The following EXOC4 variants were observed in gnomAD, a reference collection of about 807,000 sequenced individuals.
The protein encoded by EXOC4 is SEC8-like 1.
In EXOC4, 71 loss-of-function variants were observed where a neutral mutation model predicts 107.2. The observed-to-expected ratio is 0.66, with a 90% CI of 0.55 to 0.81. The LOEUF (loss-of-function observed/expected upper bound fraction) is 0.81. Ranked by LOEUF, EXOC4 falls within the 30% of genes least tolerant of loss-of-function variation. EXOC4 has a pLI of 0.00. For synonymous variants in EXOC4, 456 were observed against 441.2 expected, an observed-to-expected ratio of 1.03 and a Z score of -0.42; for missense variants, 1,108 against 1,189.6, an observed-to-expected ratio of 0.93 and a Z score of 1.01.
At chr7:133,799,564 A>G (rs1357065712) in intron 10 of EXOC4, among the ~76,000 whole-genome samples, 2 of 152,242 alleles carry the variant, frequency 1.3e-5, no homozygotes, top group Admixed American at 6.5e-5. Flanking sequence ...AAGGACAGAA[A>G]TAATTTTGGA....
intron 11 of EXOC4, among the ~76,000 whole-genome samples, chr7:133,852,637 G>T (rs1021151489): frequency 1.3e-5 from 2 of 152,046 alleles, no homozygotes; most frequent in African/African-American, 2.4e-5. Flanking sequence ...ACATTTCTTT[G>T]TCTAAATATT....
In EXOC4 at chr7:133,275,099, A is replaced by G. The variant is rs377045887; in HGVS notation, c.204A>G (p.Glu68=). 32 of 1,613,714 alleles carry G rather than the reference A, an allele frequency of 2.0e-5. No individual in the cohort carries two copies. Among genetic ancestry groups the G allele is most frequent in the Non-Finnish European group, 2.6e-5 (31 of 1,179,704 alleles). Reference sequence around the variant, plus strand: ...AATTGATTGTACAGCACTACACAGAATTGACGACAGCCATTCGCACATACC... The same window carrying G: ...AATTGATTGTACAGCACTACACAGAGTTGACGACAGCCATTCGCACATACC... ...LDELIVQHYT[E]LTTAIRTYQS... is the part of the protein sequence containing the mutation. Residue 68 remains glutamate, a synonymous_variant, in exon 2 of 18, where the codon GAA becomes GAG. Transcript: ENST00000253861.
At chr7:133,762,140 T>C (rs993366662) in intron 10 of EXOC4, among the ~76,000 whole-genome samples, 2 of 152,216 alleles carry the variant, frequency 1.3e-5, no homozygotes, top group African/African-American at 4.8e-5. Context: ...TATGTATTTT[T>C]TTCTTTTCAT....
intron 9 of EXOC4, among the ~76,000 whole-genome samples, chr7:133,497,202 C>A (rs1799494061): frequency 6.6e-6 from 1 of 152,132 alleles, no homozygotes; most frequent in South Asian, 2.1e-4. Flanking sequence ...TAGTAAAACC[C>A]TAAACATAGG....
At chr7:133,665,248 C>A (rs1447015182) in intron 10 of EXOC4, among the ~76,000 whole-genome samples, 1 of 152,082 alleles carries the variant, frequency 6.6e-6, no homozygotes, top group African/African-American at 2.4e-5. Context: ...ATTCCCCTTC[C>A]CATTTGACTT....
At chr7:133,667,366 T>G (rs1369679317) in intron 10 of EXOC4, among the ~76,000 whole-genome samples, 1 of 152,200 alleles carries the variant, frequency 6.6e-6, no homozygotes, top group African/African-American at 2.4e-5. Context: ...GAAACTGAAA[T>G]GAAGCTTCCC....
chr7:134,058,282 A>G (rs904396832), intron 17 of EXOC4, among the ~76,000 whole-genome samples: 10 of 152,242 alleles, frequency 6.6e-5, no homozygotes, highest in Non-Finnish European at 1.3e-4. Flanking sequence ...AGTCAGATTC[A>G]GCACAGAATT....
intron 10 of EXOC4, among the ~76,000 whole-genome samples, chr7:133,737,764 C>G (rs1036551731): frequency 7.2e-5 from 11 of 152,064 alleles, no homozygotes; most frequent in Non-Finnish European, 1.0e-4. Flanking sequence ...AGGCCAGAGG[C>G]TATCTTCACA....
intron 10 of EXOC4, among the ~76,000 whole-genome samples, chr7:133,718,058 C>CT (rs1795033726): frequency 1.3e-5 from 2 of 152,176 alleles, no homozygotes; most frequent in Non-Finnish European, 2.9e-5. Flanking sequence ...TAGATTCCAT[C>CT]TAAGTCTCCA....
chr7:133,737,909 CTTTTT>C (rs10673346), intron 10 of EXOC4, among the ~76,000 whole-genome samples: 2 of 89,328 alleles, frequency 2.2e-5, no homozygotes, highest in Admixed American at 1.6e-4. Context: ...ATTTTTCTTT[CTTTTT>C]TTTTTTTTTT....
At chr7:134,007,213 A>G (rs755440866) in intron 16 of EXOC4, among the ~76,000 whole-genome samples, 1 of 152,154 alleles carries the variant, frequency 6.6e-6, no homozygotes, top group Non-Finnish European at 1.5e-5. Flanking sequence ...GATTTTATTT[A>G]TGTAGCTTCC....
In EXOC4 at chr7:133,395,352, C is replaced by T. The variant is rs73148953; in HGVS notation, c.1182+20350C>T. On this transcript the variant is annotated intron_variant, in intron 7 of 17. Transcript: ENST00000253861. Reference sequence around the variant, plus strand: ...AGGATCACTAATCACAGGATTAAAGCGATGAGGAAGTATATACAGTGAAGA... The same window carrying T: ...AGGATCACTAATCACAGGATTAAAGTGATGAGGAAGTATATACAGTGAAGA... 5.1e-3 allele frequency among the ~76,000 whole-genome samples: 771 copies of T among 152,046 alleles called. 8 individuals carry two copies. Among genetic ancestry groups the T allele is most frequent in the Middle Eastern group, 0.014 (4 of 294 alleles).
At chr7:133,770,975 T>A (rs1355076264) in intron 10 of EXOC4, among the ~76,000 whole-genome samples, 1 of 151,952 alleles carries the variant, frequency 6.6e-6, no homozygotes, top group Non-Finnish European at 1.5e-5. Context: ...ATTGTGGCCA[T>A]ACATGAATGG....
chr7:133,740,165 C>T (rs1431024338), intron 10 of EXOC4, among the ~76,000 whole-genome samples: 1 of 152,016 alleles, frequency 6.6e-6, no homozygotes, highest in African/African-American at 2.4e-5. Flanking sequence ...ATACTTGCTA[C>T]CCTCATAGAA....
intron 10 of EXOC4, among the ~76,000 whole-genome samples, chr7:133,726,412 C>T (rs141688411): frequency 8.7e-4 from 132 of 152,292 alleles, no homozygotes; most frequent in Middle Eastern, 3.4e-3. Context: ...TAACTGGGTA[C>T]GTGCTATTCT....
intron 17 of EXOC4, among the ~76,000 whole-genome samples, chr7:134,054,520 A>G (rs1270197829): frequency 6.6e-6 from 1 of 152,096 alleles, no homozygotes; most frequent in African/African-American, 2.4e-5. Flanking sequence ...CCCGTTCACT[A>G]ACATTGGCCC....
intron 7 of EXOC4, among the ~76,000 whole-genome samples, chr7:133,380,949 T>C (rs1796606354): frequency 6.6e-6 from 1 of 152,212 alleles, no homozygotes; most frequent in African/African-American, 2.4e-5. Context: ...TTTGCTTGCT[T>C]TCTCTTTCCG....
intron 13 of EXOC4, among the ~76,000 whole-genome samples, chr7:133,936,396 CAATT>C (rs1171307621): frequency 6.6e-6 from 1 of 152,218 alleles, no homozygotes; most frequent in Non-Finnish European, 1.5e-5. Context: ...ACCTATGTGT[CAATT>C]AAGCATCTTT....
chr7:133,644,680 T>A (rs1189989938), intron 10 of EXOC4, among the ~76,000 whole-genome samples: 1 of 152,130 alleles, frequency 6.6e-6, no homozygotes, highest in Non-Finnish European at 1.5e-5. Context: ...TGATTCTAAA[T>A]CTTGTGTTTT....
Sources: allele counts gnomAD v4.1 joint callset (sites outside exome capture counted in the v4.1 genomes callset), GRCh38; gene constraint gnomAD v4.1.1; transcripts MANE v1.5; gene names NCBI Gene and HGNC (gene_info 2026-07-23, HGNC 2026-07-21).